Variants in MDFIC observed in about 807,000 individuals in gnomAD.
MDFIC encodes the protein MyoD family inhibitor domain containing, also known as myoD family inhibitor domain-containing protein.
A neutral mutation model predicts 23.2 loss-of-function variants in MDFIC; 17 were observed. The ratio of observed to expected loss-of-function variants is 0.73; its 90% CI spans 0.50 to 1.10. The LOEUF (loss-of-function observed/expected upper bound fraction) is 1.10. Ranked by LOEUF, MDFIC falls within the 50% of genes least tolerant of loss-of-function variation. MDFIC has a pLI of 0.00. For synonymous variants in MDFIC, 120 were observed against 115.2 expected (o/e 1.04, Z -0.27); for missense variants, 356 against 316.6 (o/e 1.12, Z -0.95).
rs149663689 is a variant in MDFIC at position 114,960,395 on chromosome 7, C to T, written c.217+17998C>T. ...CAGAGAACCAGGGAGAAAAGTAGAGCTTGACCCCTGGATCCTCTCACTGAT... is the reference window on the plus strand; with the variant it reads ...CAGAGAACCAGGGAGAAAAGTAGAGTTTGACCCCTGGATCCTCTCACTGAT... On this transcript the variant is annotated intron_variant, in intron 3 of 4. Coordinates refer to ENST00000393486, the MANE Select transcript of MDFIC (RefSeq NM_001166345.3). 4.2e-3 allele frequency among the ~76,000 whole-genome samples: 638 copies of T among 152,190 alleles called. 18 individuals carry two copies. The highest frequency in any genetic ancestry group is 0.039 in the Admixed American group (595 of 15,282).
At chr7:114,923,548 A>G (rs531669498) in intron 2 of MDFIC, 297 of 1,536,058 alleles carry the variant, frequency 1.9e-4, no homozygotes, top group Non-Finnish European at 4.4e-5. Context: ...TGGCTCCTCT[A>G]CCACCCGGTT....
intron 4 of MDFIC, among the ~76,000 whole-genome samples, chr7:114,981,850 C>G (rs554303991): frequency 2.8e-4 from 42 of 152,264 alleles, no homozygotes; most frequent in Non-Finnish European, 5.4e-4. Flanking sequence ...TGTGTTTCTT[C>G]TGACTTTCAG....
rs375349449 is a variant in MDFIC at position 114,979,621 on chromosome 7, C to T, written c.333C>T (p.His111=). 5.6e-6 allele frequency: 9 copies of T among 1,613,902 alleles called. No homozygotes were observed. The highest frequency in any genetic ancestry group is 5.3e-5 in the African/African-American group (4 of 74,888). The change falls in exon 4 of 5, where the codon CAC becomes CAT. Residue 111 remains histidine, a synonymous_variant. Transcript: ENST00000393486. The part of the protein sequence containing the change: ...TGLSNGNGIH[H]GAKHGSADNR... ...TGAGCAATGGAAATGGAATTCACCA[C>T]GGGGCCAAACACGGATCCGCAGATA...
chr7:114,931,493 G>A (rs1792307929), intron 2 of MDFIC, among the ~76,000 whole-genome samples: 2 of 152,246 alleles, frequency 1.3e-5, no homozygotes, highest in Admixed American at 1.3e-4. Flanking sequence ...ATATTTTTCG[G>A]TGTGCCTACA....
At chr7:114,966,269 T>C (rs981163026) in intron 3 of MDFIC, among the ~76,000 whole-genome samples, 4 of 152,240 alleles carry the variant, frequency 2.6e-5, no homozygotes, top group African/African-American at 9.6e-5. Context: ...TCAAAGTAAA[T>C]TCCCAAAGGT....
At chr7:114,985,542 CAT>C (rs1585113961) in intron 4 of MDFIC, among the ~76,000 whole-genome samples, 1 of 151,710 alleles carries the variant, frequency 6.6e-6, no homozygotes, top group African/African-American at 2.4e-5. Flanking sequence ...GATAAGTAAA[CAT>C]GTGTCATGGG....
intron 4 of MDFIC, among the ~76,000 whole-genome samples, chr7:115,000,671 A>T (rs2116078763): frequency 6.6e-6 from 1 of 152,314 alleles, no homozygotes; most frequent in Admixed American, 6.5e-5. Context: ...GACATATTCA[A>T]TTTCTCACCT....
rs1478788206 is a variant in MDFIC at position 115,018,748 on chromosome 7, CTTCT to C, written c.*2816_*2819del. On this transcript the variant is annotated 3_prime_UTR_variant, in exon 5 of 5. Coordinates refer to ENST00000393486, the MANE Select transcript of MDFIC (RefSeq NM_001166345.3). ...CTATTTTGAAAATTTTTAAAAATGA[CTTCT>C]TTATTTTGCTTTACCGTATGTTTAT... 3 of 152,182 alleles carry C rather than the reference CTTCT, an allele frequency of 2.0e-5. No individual in the cohort carries two copies. Among genetic ancestry groups the C allele is most frequent in the African/African-American group, 7.2e-5 (3 of 41,384 alleles). 9.4% of individuals were successfully genotyped at this position (152,182 alleles called of 1,614,324 possible). A position where few individuals can be genotyped will look rare whatever the true frequency, so the allele number is the denominator to read the frequency against.
At position 114,922,457 on chromosome 7, in the gene MDFIC, C is replaced by G. The variant is rs779505251; in HGVS notation, c.-287C>G. ...GCCGCCACCGCTGCCGCAGTTGCCG[C>G]CACTGCGGCGTCTGGGCTGAGCCGG... On this transcript the variant is annotated 5_prime_UTR_variant, in exon 1 of 5. Transcript: ENST00000393486. 4 of 1,245,678 alleles carry G rather than the reference C, an allele frequency of 3.2e-6. No individual in the cohort carries two copies. The highest frequency in any genetic ancestry group is 4.2e-5 in the Admixed American group (1 of 23,738). The allele number at this position is 1,245,678 out of a possible 1,614,324, so 77.2% of individuals were successfully genotyped here.
intron 4 of MDFIC, among the ~76,000 whole-genome samples, chr7:114,993,486 T>A (rs1791237855): frequency 6.6e-6 from 1 of 152,230 alleles, no homozygotes; most frequent in South Asian, 2.1e-4. Context: ...TTGTGGGCAT[T>A]TAGTGTTATA....
intron 4 of MDFIC, 161 bp downstream of exon 4, chr7:114,979,942 G>A (rs1258164862): frequency 1.2e-6 from 1 of 855,736 alleles, no homozygotes. Flanking sequence ...GAAAGCACAA[G>A]ATAGAAAAGG....
intron 3 of MDFIC, among the ~76,000 whole-genome samples, chr7:114,974,962 C>T (rs916627016): frequency 2.0e-5 from 3 of 151,492 alleles, no homozygotes; most frequent in African/African-American, 7.3e-5. Context: ...AGCCGGTGAC[C>T]AATGCTATCC....
intron 4 of MDFIC, among the ~76,000 whole-genome samples, chr7:114,986,968 G>A (rs747999193): frequency 8.5e-5 from 13 of 152,176 alleles, no homozygotes; most frequent in Admixed American, 2.0e-4. Flanking sequence ...GTGTCAACTG[G>A]AGAACTAGAC....
chr7:115,015,049 C>T lies in MDFIC; in HGVS notation c.494-639C>T, dbSNP rs376579955. Among the ~76,000 whole-genome samples, 37 of 152,196 alleles carry T rather than the reference C, an allele frequency of 2.4e-4. No individual in the cohort carries two copies. The South Asian group carries it at 4.8e-3, about 20-fold the overall frequency. ...TACAAATTCCTTTGTTAGAAGTAGG[C>T]AGAAGAACCGTTCTAGAAATGATAG... On this transcript the variant is annotated intron_variant, in intron 4 of 4. Coordinates refer to ENST00000393486, the MANE Select transcript of MDFIC (RefSeq NM_001166345.3).
At chr7:114,947,179 A>G (rs1792662948) in intron 3 of MDFIC, among the ~76,000 whole-genome samples, 1 of 152,208 alleles carries the variant, frequency 6.6e-6, no homozygotes, top group South Asian at 2.1e-4. Context: ...ACTGGAAGAT[A>G]TAGCTATCAT....
At chr7:114,963,518 A>T (rs750776289) in intron 3 of MDFIC, among the ~76,000 whole-genome samples, 8 of 152,148 alleles carry the variant, frequency 5.3e-5, no homozygotes, top group Non-Finnish European at 1.0e-4. Context: ...TTCCCTTGAT[A>T]TTCTCTCTGC....
At chr7:115,003,169 G>C (rs146838440) in intron 4 of MDFIC, among the ~76,000 whole-genome samples, 42 of 152,096 alleles carry the variant, frequency 2.8e-4, no homozygotes, top group African/African-American at 9.4e-4. Context: ...TTACTCCTCT[G>C]TCTCCTCTGC....
intron 4 of MDFIC, chr7:115,014,254 T>C (rs1001433747): frequency 5.3e-5 from 52 of 985,334 alleles, no homozygotes; most frequent in Non-Finnish European, 6.1e-5. Context: ...GGGATAGGCC[T>C]GCAGAGTTAA....
Position 115,019,179 on chromosome 7 carries a change from C to T in MDFIC, c.*3244C>T, listed in dbSNP as rs1158007774. 1.3e-5 allele frequency: 2 copies of T among 151,768 alleles called. No homozygotes were observed. Among genetic ancestry groups the T allele is most frequent in the Admixed American group, 6.6e-5 (1 of 15,222 alleles). The allele number at this position is 151,768 out of a possible 1,614,324, so 9.4% of individuals were successfully genotyped here. A position where few individuals can be genotyped will look rare whatever the true frequency, so the allele number is the denominator to read the frequency against. On this transcript the variant is annotated 3_prime_UTR_variant, in exon 5 of 5. Coordinates refer to ENST00000393486, the MANE Select transcript of MDFIC (RefSeq NM_001166345.3). ...AGTCTTAGATTTAATGAATTTCACT[C>T]GAAAATAAATGATCAGAAGAATTTT...
Sources: allele counts gnomAD v4.1 joint callset (sites outside exome capture counted in the v4.1 genomes callset), GRCh38; gene constraint gnomAD v4.1.1; transcripts MANE v1.5; gene names NCBI Gene and HGNC (gene_info 2026-07-23, HGNC 2026-07-21).